The following TPPP2 variants were observed in gnomAD, a reference collection of about 807,000 sequenced individuals.
TPPP2 encodes the protein tubulin polymerization promoting protein family member 2.
Under a neutral mutation model 13.0 loss-of-function variants are expected in TPPP2, and 8 were observed. The ratio of observed to expected loss-of-function variants is 0.62; its 90% confidence interval spans 0.36 to 1.11. TPPP2 has a LOEUF of 1.11. Ranked by LOEUF, TPPP2 falls within the 50% of genes most tolerant of loss-of-function variation. The pLI is 0.02. For synonymous variants in TPPP2, 81 were observed against 81.8 expected (o/e 0.99, Z 0.05); for missense variants, 213 against 216.9 (o/e 0.98, Z 0.11).
At chr14:21,025,322 G>C (rs1026713044), upstream of TPPP2, 12 of 974,728 alleles carry the variant, frequency 1.2e-5, no homozygotes, top group Admixed American at 6.2e-5. This position sits in a 1 kb window ranked among gnomAD's most constrained non-coding sequence, Gnocchi z 5.1. Context: ...TTGGGGCGGT[G>C]TGGGGAGTGC....
chr14:21,036,012 G>A (rs1884598028), downstream of TPPP2: 4 of 380,940 alleles, frequency 1.1e-5, no homozygotes, highest in South Asian at 2.0e-5. Context: ...TGTTCATGAG[G>A]ATAGTATTTT....
At chr14:21,026,286 A>C (rs1348485758), upstream of TPPP2, among the ~76,000 whole-genome samples, 1 of 151,790 alleles carries the variant, frequency 6.6e-6, no homozygotes, top group Non-Finnish European at 1.5e-5. Flanking sequence ...ACCTGACTGA[A>C]TTTCTCCCCA....
rs74652379 is a variant in TPPP2, at chr14:21,032,439, C to G, written c.*362C>G. 6 of 414,508 alleles carry G rather than the reference C, an allele frequency of 1.4e-5. No individual in the cohort carries two copies. The East Asian group carries it at 4.1e-4, about 28-fold the overall frequency. The allele number at this position is 414,508 out of a possible 1,614,324, so 25.7% of individuals were successfully genotyped here. On this transcript the variant is annotated 3_prime_UTR_variant, in exon 4 of 4. Coordinates refer to ENST00000321760, the MANE Select transcript of TPPP2 (RefSeq NM_173846.5). ...CTGATATCCACCTCTCCACCCCCAC[C>G]CCTCAAAAGGGTGTAGCAATTCCTC...
rs1049158197 is a variant in TPPP2 at position 21,032,230 on chromosome 14, C to T, written c.*153C>T. Reference sequence around the variant, plus strand: ...CTAGTGTAGAGAGAGGGAGAAGAGGCAGCACAGGAGGGTGGGTTCTCCACC... The same window carrying T: ...CTAGTGTAGAGAGAGGGAGAAGAGGTAGCACAGGAGGGTGGGTTCTCCACC... On this transcript the variant is annotated 3_prime_UTR_variant, in exon 4 of 4. Coordinates refer to ENST00000321760, the MANE Select transcript of TPPP2 (RefSeq NM_173846.5). 1 of 821,190 alleles carries T rather than the reference C, an allele frequency of 1.2e-6. No individual in the cohort carries two copies. The highest frequency in any genetic ancestry group is 2.0e-5 in the Admixed American group (1 of 49,764). The allele number at this position is 821,190 out of a possible 1,614,324, so 50.9% of individuals were successfully genotyped here. A position where few individuals can be genotyped will look rare whatever the true frequency, so the allele number is the denominator to read the frequency against.
In TPPP2 at chr14:21,030,310, T is replaced by G; in HGVS notation, c.-70+6T>G. On this transcript the variant is annotated splice_donor_region_variant and intron_variant, in intron 1 of 3. Transcript: ENST00000321760. ...CACCATCCGGGTACTCTAAGGTACA[T>G]AAAAGAGGTAGGGGAAAGAGAGGAT... 1 of 432,028 alleles carries G rather than the reference T, an allele frequency of 2.3e-6. No individual in the cohort carries two copies. Among genetic ancestry groups the G allele is most frequent in the East Asian group, 4.2e-5 (1 of 23,714 alleles). 26.8% of individuals were successfully genotyped at this position (432,028 alleles called of 1,614,324 possible).
chr14:21,033,937 G>A (rs868206519), downstream of TPPP2: 3 of 1,614,070 alleles, frequency 1.9e-6, no homozygotes, highest in Non-Finnish European at 2.5e-6. Flanking sequence ...GTGGGTGGCT[G>A]TTGGTGGCTC....
chr14:21,026,942 C>A (rs969031108), upstream of TPPP2, among the ~76,000 whole-genome samples: 1 of 146,278 alleles, frequency 6.8e-6, no homozygotes, highest in African/African-American at 2.8e-5. Flanking sequence ...AGAGGGAGAG[C>A]CTCGAGTGAG....
upstream of TPPP2, chr14:21,025,225 G>C (rs994581659): frequency 1.1e-5 from 9 of 854,592 alleles, no homozygotes; most frequent in Non-Finnish European, 1.3e-5. This position sits in a 1 kb window ranked among gnomAD's most constrained non-coding sequence, Gnocchi z 5.1. Context: ...AAAGGGTTGT[G>C]CTGGGGCCGG....
chr14:21,024,641 C>A (rs752482640), intron 1 of TPPP2: 9 of 985,316 alleles, frequency 9.1e-6, no homozygotes, highest in Non-Finnish European at 9.6e-6. Context: ...GAGAGGAGAG[C>A]GGTCCCACAA....
At chr14:21,034,549 TAA>T, downstream of TPPP2, 1 of 458,640 alleles carries the variant, frequency 2.2e-6, no homozygotes, top group Non-Finnish European at 3.9e-6. Flanking sequence ...ATTTGCAGAA[TAA>T]GAGCTCTAAC....
At chr14:21,036,308 G>C (rs73585971), downstream of TPPP2, 4,882 of 455,580 alleles carry the variant, frequency 0.011, 204 homozygotes, top group African/African-American at 0.087. Context: ...TCGTCTAAAA[G>C]TCTGCAATAG....
At chr14:21,024,876 C>T in intron 1 of TPPP2, 2 of 985,694 alleles carry the variant, frequency 2.0e-6, no homozygotes, top group Non-Finnish European at 2.4e-6. Context: ...GCTCTTGGAG[C>T]CTCAGCCTTT....
At chr14:21,033,620 C>T, downstream of TPPP2, 1 of 600,130 alleles carries the variant, frequency 1.7e-6, no homozygotes. Flanking sequence ...AGGGGGTAAA[C>T]AAGCTGGAAA....
At chr14:21,024,799 G>A in intron 1 of TPPP2, 1 of 985,686 alleles carries the variant, frequency 1.0e-6, no homozygotes, top group Non-Finnish European at 1.2e-6. Context: ...TGACACCCTT[G>A]CGTGGCCGGT....
At chr14:21,034,254 T>C (rs973063959), downstream of TPPP2, 1 of 1,613,742 alleles carries the variant, frequency 6.2e-7, no homozygotes, top group Non-Finnish European at 8.5e-7. Flanking sequence ...CAGAACAAGC[T>C]GGAGGAAAAG....
upstream of TPPP2, chr14:21,025,861 GCGGGGGAGGGGCC>G: frequency 3.3e-6 from 1 of 307,148 alleles, no homozygotes; most frequent in Non-Finnish European, 4.8e-6. This position sits in a 1 kb window ranked among gnomAD's most constrained non-coding sequence, Gnocchi z 5.1. Context: ...CTCAAGGGGC[GCGGGGGAGGGGCC>G]GGGGACCCCC....
At chr14:21,030,116 C>G (rs1038295705), upstream of TPPP2, 3 of 154,382 alleles carry the variant, frequency 1.9e-5, no homozygotes, top group Non-Finnish European at 1.4e-5. Flanking sequence ...AGACCAAAAG[C>G]CCCCTCCTTT....
At position 21,032,211 on chromosome 14, in the gene TPPP2, T is replaced by A; in HGVS notation, c.*134T>A. ...TGAGGGACAGATGAGCCTACTAGTG[T>A]AGAGAGAGGGAGAAGAGGCAGCACA... On this transcript the variant is annotated 3_prime_UTR_variant, in exon 4 of 4. Coordinates refer to ENST00000321760, the MANE Select transcript of TPPP2 (RefSeq NM_173846.5). The A allele has an allele frequency of 1.1e-6, 1 of 947,526 alleles. No homozygotes were observed. The highest frequency in any genetic ancestry group is 1.7e-6 in the Non-Finnish European group (1 of 600,632). The allele number at this position is 947,526 out of a possible 1,614,324, so 58.7% of individuals were successfully genotyped here.
At chr14:21,024,386 G>A (rs1178358881) in intron 1 of TPPP2, 10 of 918,918 alleles carry the variant, frequency 1.1e-5, no homozygotes, top group Non-Finnish European at 1.3e-5. Context: ...TTCGAATCCC[G>A]GCTCTGCCAC....
Sources: allele counts gnomAD v4.1 joint callset (sites outside exome capture counted in the v4.1 genomes callset), GRCh38; gene constraint gnomAD v4.1.1; non-coding constraint Gnocchi (gnomAD v3.1); transcripts MANE v1.5; gene names NCBI Gene and HGNC (gene_info 2026-07-23, HGNC 2026-07-21).